WASHC5: variants seen among roughly 807,000 people sequenced by gnomAD.
The protein encoded by WASHC5 is WASH complex subunit strumpellin.
Under a neutral mutation model 150.4 loss-of-function variants are expected in WASHC5, and 101 were observed. The ratio of observed to expected loss-of-function variants is 0.67; its 90% CI spans 0.57 to 0.79. The LOEUF is 0.79. Ranked by LOEUF, WASHC5 falls within the 30% of genes least tolerant of loss-of-function variation. The pLI, the probability that WASHC5 is intolerant of heterozygous loss-of-function variation, is 0.00. For missense variants in WASHC5, 1,195 were observed against 1,396.3 expected (o/e 0.86, Z 2.30); for synonymous variants, 467 against 491.2 (o/e 0.95, Z 0.65).
rs1194106396 is a variant in WASHC5 at position 125,059,203 on chromosome 8, C to G, written c.1764+19G>C. ...CAACTCTTTCCTAGCAACAGAGAAT[C>G]TCACTGTTTTTTGCTTACCTTTAGG... On this transcript the variant is annotated intron_variant, in intron 14 of 28. Transcript: ENST00000318410. 1 of 1,562,934 alleles carries G rather than the reference C, an allele frequency of 6.4e-7. No individual in the cohort carries two copies. Among genetic ancestry groups the G allele is most frequent in the Non-Finnish European group, 8.8e-7 (1 of 1,133,556 alleles).
intron 28 of WASHC5, among the ~76,000 whole-genome samples, chr8:125,025,410 C>T (rs1429780126): frequency 1.3e-5 from 2 of 152,164 alleles, no homozygotes; most frequent in Non-Finnish European, 2.9e-5. Context: ...AAAACCTAGG[C>T]TGGGCGTGGT....
chr8:125,042,172 C>T (rs1386697321), intron 23 of WASHC5, among the ~76,000 whole-genome samples: 1 of 152,214 alleles, frequency 6.6e-6, no homozygotes, highest in Non-Finnish European at 1.5e-5. Flanking sequence ...GAAACTTATT[C>T]TACCTACTCA....
At chr8:125,030,629 C>T (rs1302605330) in intron 27 of WASHC5, among the ~76,000 whole-genome samples, 3 of 117,422 alleles carry the variant, frequency 2.6e-5, no homozygotes, top group African/African-American at 1.1e-4. Flanking sequence ...CAGAGCGACT[C>T]TTTCTCATAA....
chr8:125,062,471 T>C (rs867202797), intron 11 of WASHC5, among the ~76,000 whole-genome samples: 3 of 152,238 alleles, frequency 2.0e-5, no homozygotes, highest in African/African-American at 7.2e-5. Flanking sequence ...CCGGGTCAGA[T>C]TGTTACACGT....
intron 28 of WASHC5, among the ~76,000 whole-genome samples, chr8:125,025,147 CTGTT>C (rs1815340432): frequency 6.6e-6 from 1 of 152,120 alleles, no homozygotes; most frequent in Non-Finnish European, 1.5e-5. Flanking sequence ...CATTCCTGAA[CTGTT>C]CTTGGGCAAA....
At chr8:125,040,495 G>A (rs1815853954) in intron 23 of WASHC5, among the ~76,000 whole-genome samples, 1 of 151,982 alleles carries the variant, frequency 6.6e-6, no homozygotes, top group African/African-American at 2.4e-5. Flanking sequence ...TGTCTGATAT[G>A]GTTTGGCTGT....
At chr8:125,055,994 C>T (rs74895604) in intron 16 of WASHC5, among the ~76,000 whole-genome samples, 4 of 152,288 alleles carry the variant, frequency 2.6e-5, no homozygotes, top group African/African-American at 9.6e-5. Flanking sequence ...GGTAACCTCC[C>T]CTTCCCTGGC....
At chr8:125,061,229 T>A in intron 11 of WASHC5, 35 bp from the exon 12 acceptor site, 1 of 1,124,974 alleles carries the variant, frequency 8.9e-7, no homozygotes, top group Non-Finnish European at 1.4e-6. Context: ...ACTGAAATCC[T>A]CGAATTCCTG....
At chr8:125,068,287 A>G (rs148082611) in intron 9 of WASHC5, among the ~76,000 whole-genome samples, 88 of 152,280 alleles carry the variant, frequency 5.8e-4, no homozygotes, top group African/African-American at 2.0e-3. Context: ...TTCCTTCTGG[A>G]AGTCTGGAAT....
intron 1 of WASHC5, among the ~76,000 whole-genome samples, chr8:125,091,118 G>T (rs1480620603): frequency 3.3e-5 from 5 of 150,232 alleles, no homozygotes; most frequent in Admixed American, 6.6e-5. Flanking sequence ...AGGAATCAGG[G>T]CCCTGGGAAC....
intron 1 of WASHC5, among the ~76,000 whole-genome samples, chr8:125,085,184 C>G (rs1249635454): frequency 6.6e-5 from 10 of 152,084 alleles, no homozygotes; most frequent in Non-Finnish European, 1.5e-4. Context: ...TTCAGTGTGT[C>G]TTTACAATAA....
intron 6 of WASHC5, among the ~76,000 whole-genome samples, chr8:125,077,284 C>T (rs1817091920): frequency 6.6e-6 from 1 of 152,246 alleles, no homozygotes; most frequent in African/African-American, 2.4e-5. Context: ...GGAATGCCTT[C>T]GCTCTTTCTC....
At chr8:125,048,959 A>G (rs1465046639) in intron 19 of WASHC5, 47 bp downstream of exon 19, 2 of 1,473,672 alleles carry the variant, frequency 1.4e-6, no homozygotes, top group Non-Finnish European at 1.9e-6. Flanking sequence ...TACTCTAAAC[A>G]TGAGAAATAA....
chr8:125,087,351 T>A (rs1286311806), intron 1 of WASHC5, among the ~76,000 whole-genome samples: 1 of 152,210 alleles, frequency 6.6e-6, no homozygotes, highest in Non-Finnish European at 1.5e-5. Context: ...CCATTTGTCT[T>A]ATCTTTGGAA....
rs749394619 is a variant in WASHC5 at position 125,063,533 on chromosome 8, A to G, written c.1397T>C (p.Val466Ala). ...TCTTCAGTAATTACCATTTTTCTCC[A>G]CTCTGGTTAGGGGTTTCACTCCTGA... ...VFSGVKPLTRVEKNENLQAWF... is the reference protein window; with the variant it reads ...VFSGVKPLTRAEKNENLQAWF... The change falls in exon 11 of 29, where the codon GTG becomes GCG. Residue 466 changes from valine (V) to alanine (A), a missense_variant. Val to Ala is a moderately conservative substitution (Grantham distance 64). Around this residue, in one of 3 missense-constraint regions of WASHC5, gnomAD observed 997 missense variants for 1,168.1 expected, o/e 0.85. Transcript: ENST00000318410. 6.2e-7 allele frequency: 1 copy of G among 1,613,362 alleles called. No homozygotes were observed. The highest frequency in any genetic ancestry group is 8.5e-7 in the Non-Finnish European group (1 of 1,179,746).
chr8:125,039,645 G>A (rs1314466643), intron 24 of WASHC5, 150 bp downstream of exon 24: 4 of 680,248 alleles, frequency 5.9e-6, no homozygotes, highest in Non-Finnish European at 1.1e-5. Context: ...AGGCTCCGAA[G>A]ACAGATTTGA....
At chr8:125,062,999 G>A (rs1196205710) in intron 11 of WASHC5, among the ~76,000 whole-genome samples, 1 of 152,066 alleles carries the variant, frequency 6.6e-6, no homozygotes, top group Non-Finnish European at 1.5e-5. Flanking sequence ...AAACTAGTCT[G>A]CAGTACCCTC....
rs886062658 is a variant in WASHC5, at chr8:125,091,709, C to T, written c.-219G>A. On this transcript the variant is annotated 5_prime_UTR_variant, in exon 1 of 29. Transcript: ENST00000318410. ...CCACCCCTCCCTCAAGGCGGCGGTC[C>T]TCTTCTATCCGCAGTCCCGGACCTG... 1 of 152,318 alleles carries T rather than the reference C, an allele frequency of 6.6e-6. No individual in the cohort carries two copies. The highest frequency in any genetic ancestry group is 2.1e-4 in the South Asian group (1 of 4,834). 9.4% of individuals were successfully genotyped at this position (152,318 alleles called of 1,614,324 possible). A position where few individuals can be genotyped will look rare whatever the true frequency, so the allele number is the denominator to read the frequency against.
rs79004545 is a variant in WASHC5 at position 125,066,828 on chromosome 8, C to T, written c.1278+764G>A. 2.9e-3 allele frequency among the ~76,000 whole-genome samples: 443 copies of T among 152,284 alleles called. 4 individuals are homozygous for T. The highest frequency in any genetic ancestry group is 0.01 in the African/African-American group (420 of 41,554). Reference sequence around the variant, plus strand: ...TTCTTCCTGTCCCTGGAATGTTCTCCATCACGCTCCCTACCTTTGTCTACC... The same window carrying T: ...TTCTTCCTGTCCCTGGAATGTTCTCTATCACGCTCCCTACCTTTGTCTACC... On this transcript the variant is annotated intron_variant, in intron 10 of 28. Transcript: ENST00000318410.
Sources: allele counts gnomAD v4.1 joint callset (sites outside exome capture counted in the v4.1 genomes callset), GRCh38; gene constraint gnomAD v4.1.1; regional missense constraint gnomAD v4.1.1; transcripts MANE v1.5; gene names NCBI Gene and HGNC (gene_info 2026-07-23, HGNC 2026-07-21).